The following LRRC9 variants were observed in gnomAD, a reference collection of about 807,000 sequenced individuals.
LRRC9 encodes the protein leucine-rich repeat-containing protein 9.
In LRRC9, 122 loss-of-function variants were observed where a neutral mutation model predicts 63.2. That is an observed-to-expected ratio of 1.93 (90% CI 1.67 to 2.24). LRRC9 has a LOEUF of 2.24. LRRC9 is among the 30% of genes most tolerant of loss of function. LRRC9 has a pLI of 0.00. For missense variants in LRRC9, 1,071 were observed against 627.7 expected (o/e 1.71, Z -7.55); for synonymous variants, 366 against 213.1 (o/e 1.72, Z -6.25).
At chr14:59,992,202 G>C (rs1430574162) in intron 17 of LRRC9, among the ~76,000 whole-genome samples, 6 of 152,228 alleles carry the variant, frequency 3.9e-5, no homozygotes, top group African/African-American at 9.6e-5. Context: ...AGGCAAACAG[G>C]GTCTGGAGTG....
chr14:59,943,770 G>T (rs1177511677), intron 7 of LRRC9, among the ~76,000 whole-genome samples: 1 of 151,922 alleles, frequency 6.6e-6, no homozygotes, highest in African/African-American at 2.4e-5. Context: ...ATTATATTAG[G>T]ATCTTGATTA....
At chr14:59,961,998 T>A (rs1566818929) in intron 10 of LRRC9, among the ~76,000 whole-genome samples, 1 of 152,284 alleles carries the variant, frequency 6.6e-6, no homozygotes, top group East Asian at 1.9e-4. Context: ...AATACTAATT[T>A]TTATAGTGTA....
In LRRC9 at chr14:59,997,750, G is replaced by A. The variant is rs752643125; in HGVS notation, c.2306G>A (p.Trp769Ter). 6 of 702,292 alleles carry A rather than the reference G, an allele frequency of 8.5e-6. No individual in the cohort carries two copies. The highest frequency in any genetic ancestry group is 3.0e-5 in the South Asian group (2 of 67,548). 43.5% of individuals were successfully genotyped at this position (702,292 alleles called of 1,614,324 possible). ...AAACTGAAGCACTTAGACTTGAGCT[G>A]GAATCAACTGAAAAAATCTGGCAAT... Residue 769 changes from tryptophan to a stop codon, truncating the protein, a stop_gained, in exon 18 of 32, where the codon TGG (tryptophan) becomes TAG (stop). Coordinates refer to ENST00000445360, the Ensembl canonical transcript of LRRC9. LOFTEE classifies it high-confidence loss of function.
intron 12 of LRRC9, chr14:59,973,483 T>C (rs749111369): frequency 1.3e-5 from 2 of 152,050 alleles, no homozygotes; most frequent in Non-Finnish European, 2.9e-5. Context: ...CTCTGGGGGA[T>C]TGATTCCAGG....
chr14:59,946,619 T>C (rs1179881998), intron 8 of LRRC9, among the ~76,000 whole-genome samples: 2 of 147,054 alleles, frequency 1.4e-5, no homozygotes, highest in Admixed American at 1.4e-4. Flanking sequence ...ACTCGTCATC[T>C]AGCATTAGGT....
chr14:60,022,886 G>T lies in LRRC9; in HGVS notation c.3703+16G>T. 1.6e-6 allele frequency: 1 copy of T among 612,262 alleles called. No homozygotes were observed. 37.9% of individuals were successfully genotyped at this position (612,262 alleles called of 1,614,324 possible). On this transcript the variant is annotated intron_variant, in intron 27 of 31. Coordinates refer to ENST00000445360, the Ensembl canonical transcript of LRRC9. ...TTTCTACAGGGTGAGTAGAAACACT[G>T]TTACTGTATAAGTCTTTATTTTTAA...
rs1185183555 is a variant in LRRC9, at chr14:60,042,609, T to A, written c.3991-10456T>A. 6.6e-6 allele frequency among the ~76,000 whole-genome samples: 1 copy of A among 152,188 alleles called. No homozygotes were observed. The highest frequency in any genetic ancestry group is 1.5e-5 in the Non-Finnish European group (1 of 68,026). On this transcript the variant is annotated intron_variant, in intron 29 of 31. Coordinates refer to ENST00000445360, the Ensembl canonical transcript of LRRC9. This position sits in a 1 kb window ranked among gnomAD's most constrained non-coding sequence, Gnocchi z 4.2. Reference sequence around the variant, plus strand: ...CTAAGACCATTGGAAAAGCACAGTATTAGGCTGAGAGTGTCCCGATTTTCC... The same window carrying A: ...CTAAGACCATTGGAAAAGCACAGTAATAGGCTGAGAGTGTCCCGATTTTCC...
intron 12 of LRRC9, among the ~76,000 whole-genome samples, chr14:59,969,751 T>C (rs1350339140): frequency 6.6e-6 from 1 of 152,156 alleles, no homozygotes; most frequent in Non-Finnish European, 1.5e-5. Context: ...CGTAAGTAAA[T>C]CTGCTCACAT....
intron 14 of LRRC9, among the ~76,000 whole-genome samples, chr14:59,977,568 TTG>T (rs150262478): frequency 0.056 from 8,067 of 144,284 alleles, 202 homozygotes; most frequent in South Asian, 0.1. Context: ...AATTATGTAT[TTG>T]TGTGTGTGTG....
At chr14:59,937,372 A>T (rs1890225877) in intron 6 of LRRC9, among the ~76,000 whole-genome samples, 1 of 152,070 alleles carries the variant, frequency 6.6e-6, no homozygotes, top group Non-Finnish European at 1.5e-5. Context: ...TTATAGACAC[A>T]AGCATTTGGC....
intron 29 of LRRC9, 116 bp downstream of exon 29, chr14:60,032,179 A>T: frequency 1.8e-6 from 1 of 567,930 alleles, no homozygotes. Flanking sequence ...ATAGCCAGTC[A>T]TCCCAGCCCA....
intron 1 of LRRC9, among the ~76,000 whole-genome samples, chr14:59,924,742 C>T (rs1020531308): frequency 6.6e-6 from 1 of 152,110 alleles, no homozygotes; most frequent in Non-Finnish European, 1.5e-5. Context: ...ACAAAATCCT[C>T]ACAGAGTTCT....
At chr14:59,985,621 A>T (rs966565190) in intron 17 of LRRC9, among the ~76,000 whole-genome samples, 3 of 152,216 alleles carry the variant, frequency 2.0e-5, no homozygotes, top group Admixed American at 2.0e-4. Flanking sequence ...TCAGAGGACA[A>T]ATGATAAATT....
chr14:60,006,030 G>A (rs945191636), intron 21 of LRRC9, among the ~76,000 whole-genome samples: 8 of 152,006 alleles, frequency 5.3e-5, no homozygotes, highest in Non-Finnish European at 7.4e-5. Flanking sequence ...ATGAGGGCTG[G>A]TGATTATTTT....
exon 9 of LRRC9, chr14:59,959,939 G>A: frequency 1.4e-6 from 1 of 699,568 alleles, no homozygotes; most frequent in Non-Finnish European, 2.6e-6. Flanking sequence ...GAAGAACCAA[G>A]TCTTCAACAG....
At chr14:60,040,395 C>A (rs539763502) in intron 29 of LRRC9, among the ~76,000 whole-genome samples, 4 of 151,958 alleles carry the variant, frequency 2.6e-5, no homozygotes, top group African/African-American at 4.8e-5. Context: ...GTAGGAGTCT[C>A]AGTCTCTTTG....
intron 8 of LRRC9, among the ~76,000 whole-genome samples, chr14:59,945,744 A>G (rs1448119891): frequency 6.6e-6 from 1 of 152,100 alleles, no homozygotes; most frequent in African/African-American, 2.4e-5. Context: ...GTAAAACAAA[A>G]TAAAAGGTAA....
intron 29 of LRRC9, among the ~76,000 whole-genome samples, chr14:60,046,685 A>G (rs914175822): frequency 6.6e-6 from 1 of 152,170 alleles, no homozygotes; most frequent in Non-Finnish European, 1.5e-5. Flanking sequence ...GCCTTGTGGC[A>G]TAGTTTGAGG....
chr14:59,955,681 G>C (rs1883666127), intron 8 of LRRC9, among the ~76,000 whole-genome samples: 1 of 151,884 alleles, frequency 6.6e-6, no homozygotes, highest in Non-Finnish European at 1.5e-5. Flanking sequence ...CCTTCTGCTA[G>C]CTTTTGAATT....
Sources: gnomAD v4.1 joint callset for allele counts (sites outside exome capture counted in the v4.1 genomes callset) on GRCh38, gnomAD v4.1.1 for gene constraint, Gnocchi (gnomAD v3.1) non-coding constraint, MANE v1.5 for transcripts, NCBI Gene and HGNC (gene_info 2026-07-23, HGNC 2026-07-21) for gene names.